The following BRINP1 variants were observed in gnomAD, a reference collection of about 807,000 sequenced individuals.
The protein encoded by BRINP1 is BMP/retinoic acid inducible neural specific 1.
BRINP1 carries 17 observed loss-of-function variants against 72.9 expected under a neutral mutation model. The ratio of observed to expected loss-of-function variants is 0.23; its 90% CI spans 0.16 to 0.35. The LOEUF is 0.35. Ranked by LOEUF, BRINP1 falls within the 10% of genes least tolerant of loss-of-function variation. BRINP1 has a pLI of 1.00. For missense variants in BRINP1, 850 were observed against 1,001.6 expected, an observed-to-expected ratio of 0.85 and a Z score of 2.04; for synonymous variants, 418 against 378.5, an observed-to-expected ratio of 1.10 and a Z score of -1.21.
intron 6 of BRINP1, among the ~76,000 whole-genome samples, chr9:119,211,361 CTAAT>C (rs1381266129): frequency 1.3e-5 from 2 of 152,108 alleles, no homozygotes; most frequent in African/African-American, 4.8e-5. Context: ...CCACACCCGG[CTAAT>C]TTTGTAGTTT....
chr9:119,237,764 C>T (rs138310308), intron 5 of BRINP1, among the ~76,000 whole-genome samples: 1,865 of 152,106 alleles, frequency 0.012, 20 homozygotes, highest in Middle Eastern at 0.041. Context: ...TGGGTTCAAA[C>T]GATTCTCCTG....
At chr9:119,246,961 T>C (rs950973004) in intron 3 of BRINP1, among the ~76,000 whole-genome samples, 2 of 152,128 alleles carry the variant, frequency 1.3e-5, no homozygotes, top group South Asian at 2.1e-4. Flanking sequence ...GTTGTAAAAA[T>C]AGGAGAGGAA....
intron 2 of BRINP1, among the ~76,000 whole-genome samples, chr9:119,295,877 C>A (rs886663457): frequency 6.6e-6 from 1 of 152,154 alleles, no homozygotes; most frequent in African/African-American, 2.4e-5. Context: ...AGACCATATA[C>A]AATAATCAAC....
intron 1 of BRINP1, among the ~76,000 whole-genome samples, chr9:119,363,881 G>A (rs576989460): frequency 5.6e-4 from 85 of 152,194 alleles, no homozygotes; most frequent in African/African-American, 2.0e-3. Flanking sequence ...CTACCATATT[G>A]GACAGCACAA....
At chr9:119,356,941 C>T (rs1165743972) in intron 1 of BRINP1, among the ~76,000 whole-genome samples, 2 of 152,120 alleles carry the variant, frequency 1.3e-5, no homozygotes, top group Non-Finnish European at 1.5e-5. Context: ...CTGGATGCTG[C>T]CATTAAATTA....
chr9:119,189,900 C>T (rs1256392526), intron 7 of BRINP1, among the ~76,000 whole-genome samples: 2 of 151,878 alleles, frequency 1.3e-5, no homozygotes, highest in Admixed American at 6.6e-5. Context: ...GTACATTCTC[C>T]AGGACAGATC....
intron 5 of BRINP1, among the ~76,000 whole-genome samples, chr9:119,223,506 C>T (rs1830061402): frequency 6.6e-6 from 1 of 151,996 alleles, no homozygotes; most frequent in African/African-American, 2.4e-5. Context: ...TTTCAAATCC[C>T]AATGGGACAC....
chr9:119,172,401 C>T (rs1421936383), intron 7 of BRINP1, among the ~76,000 whole-genome samples: 1 of 152,070 alleles, frequency 6.6e-6, no homozygotes, highest in African/African-American at 2.4e-5. Context: ...TAAATTCCTC[C>T]ACACATACGC....
chr9:119,345,918 G>C (rs761155288), intron 1 of BRINP1, among the ~76,000 whole-genome samples: 72 of 151,810 alleles, frequency 4.7e-4, no homozygotes, highest in Non-Finnish European at 8.7e-4. Flanking sequence ...TTACAGACAG[G>C]GTAAATGAGG....
intron 7 of BRINP1, among the ~76,000 whole-genome samples, chr9:119,169,687 C>G (rs1829376825): frequency 6.6e-6 from 1 of 152,216 alleles, no homozygotes; most frequent in East Asian, 1.9e-4. Flanking sequence ...AGGGCACAGA[C>G]AAACAAAAAG....
At chr9:119,225,949 C>T (rs962979129) in intron 5 of BRINP1, among the ~76,000 whole-genome samples, 7 of 151,942 alleles carry the variant, frequency 4.6e-5, no homozygotes, top group Non-Finnish European at 7.4e-5. Context: ...AACTTTAAAC[C>T]GTAAACATTT....
intron 2 of BRINP1, among the ~76,000 whole-genome samples, chr9:119,250,699 G>C (rs762804524): frequency 3.9e-4 from 60 of 152,284 alleles, no homozygotes; most frequent in Non-Finnish European, 4.7e-4. Context: ...TGAAAACTTA[G>C]AGGGACTGAG....
intron 2 of BRINP1, among the ~76,000 whole-genome samples, chr9:119,288,886 C>A (rs1455256256): frequency 2.0e-5 from 3 of 152,096 alleles, no homozygotes; most frequent in African/African-American, 7.2e-5. Context: ...ACCTCTGCCT[C>A]CCAGGTTCAA....
At position 119,249,147 on chromosome 9, in the gene BRINP1, C is replaced by A; in HGVS notation, c.222G>T (p.Glu74Asp). The change falls in exon 3 of 8, where the codon GAG becomes GAT. Residue 74 changes from glutamate to aspartate, a missense_variant. Physicochemically the swap from Glu to Asp is conservative, Grantham distance 45. Transcript: ENST00000265922. ...GFTTRYKIYR[E>D]FARWKVRNTA... Reference sequence around the variant, plus strand: ...TGTTCCTCACCTTCCAACGGGCAAACTCCCTGGGCAGGAGAAATGAGCAAC... The same window carrying A: ...TGTTCCTCACCTTCCAACGGGCAAAATCCCTGGGCAGGAGAAATGAGCAAC... The A allele has an allele frequency of 1.2e-6, 2 of 1,612,678 alleles. No homozygotes were observed. Among genetic ancestry groups the A allele is most frequent in the Non-Finnish European group, 1.7e-6 (2 of 1,179,380 alleles).
rs763444329 is a variant in BRINP1 at position 119,167,769 on chromosome 9, C to A, written c.1601G>T (p.Arg534Leu). The A allele has an allele frequency of 2.5e-6, 4 of 1,614,032 alleles. No homozygotes were observed. Among genetic ancestry groups the A allele is most frequent in the South Asian group, 1.1e-5 (1 of 91,066 alleles). ...GATCACCATGTGGATGAAGTCCATG[C>A]GGTTCTTGTTGCTCTTGAGAGTGAG... ...MSLTLKSNKN[R>L]MDFIHMVIGM... Residue 534 changes from arginine (R) to leucine (L), a missense_variant, in exon 8 of 8, where the codon CGC becomes CTC. Coordinates refer to ENST00000265922, the MANE Select transcript of BRINP1 (RefSeq NM_014618.3). The surrounding 1 kb of genome is among the most constrained non-coding windows in gnomAD (Gnocchi z 4.3).
rs111313745 is a variant in BRINP1, at chr9:119,318,844, G to GGGTGTGT, written c.-50-5440_-50-5439insACACACC. ...TCATACATGGAAGAGAAATGTGTGG[G>GGGTGTGT]GTGTGTGTGTGTGTGTGTGTGTGTG... On this transcript the variant is annotated intron_variant, in intron 1 of 7. Transcript: ENST00000265922. 1.8e-3 allele frequency among the ~76,000 whole-genome samples: 260 copies of GGGTGTGT among 142,234 alleles called. 3 individuals carry two copies. The highest frequency in any genetic ancestry group is 3.4e-3 in the African/African-American group (130 of 38,490). 93.3% of individuals were successfully genotyped at this position (142,234 alleles called of 152,430 possible).
At chr9:119,179,561 CAA>C (rs550669635) in intron 7 of BRINP1, among the ~76,000 whole-genome samples, 1 of 151,938 alleles carries the variant, frequency 6.6e-6, no homozygotes, top group Non-Finnish European at 1.5e-5. Flanking sequence ...TTGCTGAGGT[CAA>C]AAAAATCAGT....
chr9:119,249,048 C>T lies in BRINP1; in HGVS notation c.321G>A (p.Leu107=), dbSNP rs746941077. 6.8e-6 allele frequency: 11 copies of T among 1,613,984 alleles called. No homozygotes were observed. In the Admixed American group the frequency reaches 1.8e-4, roughly 27 times the overall value. ...LMPEFQRSIR[L]LGRRPTTQQF... ...GCTGAGTGGTAGGTCTCCTGCCAAG[C>T]AGGCGGATGCTCCTTTGAAACTCCG... is the stretch of plus-strand genomic sequence containing the variant. Residue 107 remains leucine (L), a synonymous_variant, in exon 3 of 8, where the codon CTG becomes CTA. Transcript: ENST00000265922.
At chr9:119,350,166 A>G (rs1831492430) in intron 1 of BRINP1, among the ~76,000 whole-genome samples, 1 of 152,212 alleles carries the variant, frequency 6.6e-6, no homozygotes, top group South Asian at 2.1e-4. Context: ...TGGTGGGGAC[A>G]CACACCAGCA....
Sources: allele counts gnomAD v4.1 joint callset (sites outside exome capture counted in the v4.1 genomes callset), GRCh38; gene constraint gnomAD v4.1.1; non-coding constraint Gnocchi (gnomAD v3.1); transcripts MANE v1.5; gene names NCBI Gene and HGNC (gene_info 2026-07-23, HGNC 2026-07-21).